RASSF3: variants seen among roughly 807,000 people sequenced by gnomAD.
The protein encoded by RASSF3 is Ras association domain family member 3.
In RASSF3, 19 loss-of-function variants were observed where a neutral mutation model predicts 19.9. The ratio of observed to expected loss-of-function variants is 0.96; its 90% CI spans 0.67 to 1.40. RASSF3 has a LOEUF of 1.40. RASSF3 is among the 40% of genes most tolerant of loss of function. The pLI, the probability that RASSF3 is intolerant of heterozygous loss-of-function variation, is 0.00. For missense variants in RASSF3, 306 were observed against 289.8 expected, an observed-to-expected ratio of 1.06 and a Z score of -0.41; for synonymous variants, 110 against 104.2, an observed-to-expected ratio of 1.06 and a Z score of -0.34.
intron 1 of RASSF3, among the ~76,000 whole-genome samples, chr12:64,678,640 C>A (rs1872995269): frequency 1.6e-5 from 1 of 61,974 alleles, no homozygotes. Flanking sequence ...TAAAGAGATC[C>A]GTAATACCAA....
rs73317509 is a variant in RASSF3 at position 64,549,904 on chromosome 12, A to G, written c.294+8199A>G. Among the ~76,000 whole-genome samples the G allele has an allele frequency of 3.8e-3, 574 of 152,348 alleles. 3 individuals are homozygous for G. The highest frequency in any genetic ancestry group is 0.013 in the African/African-American group (553 of 41,576). On this transcript the variant is annotated intron_variant, in intron 2 of 5. Transcript: ENST00000637125. The stretch of plus-strand genomic sequence containing the variant: ...CTAAGGTTTAGACACAATCATATCA[A>G]TATCATTTCATTGTTAACATGAATT...
At chr12:64,509,653 C>T (rs945218534) in intron 1 of RASSF3, among the ~76,000 whole-genome samples, 5 of 152,104 alleles carry the variant, frequency 3.3e-5, no homozygotes, top group Non-Finnish European at 5.9e-5. Flanking sequence ...TACTTATAGC[C>T]TTCATCAGTA....
exon 1 of RASSF3, chr12:64,507,131 C>A: frequency 2.5e-6 from 1 of 398,476 alleles, no homozygotes; most frequent in South Asian, 1.3e-4. Flanking sequence ...GCTAAAGTGT[C>A]ATATGTGGGT....
intron 1 of RASSF3, among the ~76,000 whole-genome samples, chr12:64,660,605 G>T (rs559935809): frequency 4.6e-5 from 7 of 152,248 alleles, no homozygotes; most frequent in Non-Finnish European, 8.8e-5. Flanking sequence ...TTAAAAAAAG[G>T]TAGTGACTAT....
chr12:64,509,847 G>A lies in RASSF3; in HGVS notation c.169+2518G>A, dbSNP rs117658062. On this transcript the variant is annotated intron_variant, in intron 1 of 5. Transcript: ENST00000637125. ...TCATGCTATGATCCCAGAACTTTGC[G>A]AGGCCAAGGCGGGCGGATCGCTTGA... is the stretch of plus-strand genomic sequence containing the variant. 6.1e-4 allele frequency among the ~76,000 whole-genome samples: 93 copies of A among 152,128 alleles called. No individual in the cohort carries two copies. In the East Asian group the frequency reaches 0.015, roughly 25 times the overall value.
intron 2 of RASSF3, among the ~76,000 whole-genome samples, chr12:64,600,033 CAAAAAAAAAA>C (rs34515445): frequency 6.3e-5 from 4 of 63,986 alleles, no homozygotes; most frequent in African/African-American, 1.3e-4. Flanking sequence ...GACTCCATCT[CAAAAAAAAAA>C]AAAAAAAAAA....
chr12:64,564,610 G>A (rs545741663), intron 2 of RASSF3, among the ~76,000 whole-genome samples: 8 of 151,906 alleles, frequency 5.3e-5, no homozygotes, highest in African/African-American at 1.2e-4. Flanking sequence ...TCAAACTTCC[G>A]ACCTCAGGTG....
intron 1 of RASSF3, among the ~76,000 whole-genome samples, chr12:64,679,983 A>G (rs1244758218): frequency 3.3e-5 from 5 of 152,224 alleles, no homozygotes; most frequent in Admixed American, 3.3e-4. Context: ...GACACTTGGT[A>G]TTGTATCTAT....
chr12:64,512,808 A>G (rs895488920), intron 1 of RASSF3, among the ~76,000 whole-genome samples: 41 of 152,200 alleles, frequency 2.7e-4, no homozygotes, highest in African/African-American at 9.7e-4. Flanking sequence ...TACTCATATC[A>G]ATGTTCCTCA....
rs57069657 is a variant in RASSF3 at position 64,638,842 on chromosome 12, GTTCC to G, written c.111+28103_111+28106del. ...GATTTTGAGATTGACTTTTGTTCTA[GTTCC>G]TTCTTCTGAGCTGCTGAACACGCCA... is the stretch of plus-strand genomic sequence containing the variant. On this transcript the variant is annotated intron_variant, in intron 1 of 4. Coordinates refer to ENST00000542104, the MANE Select transcript of RASSF3 (RefSeq NM_178169.4). Among the ~76,000 whole-genome samples, 1,138 of 152,222 alleles carry G rather than the reference GTTCC, an allele frequency of 7.5e-3. 17 individuals carry two copies. Among genetic ancestry groups the G allele is most frequent in the African/African-American group, 0.026 (1,093 of 41,526 alleles).
intron 1 of RASSF3, among the ~76,000 whole-genome samples, chr12:64,656,330 G>A (rs138203213): frequency 7.2e-4 from 110 of 152,200 alleles, no homozygotes; most frequent in African/African-American, 2.4e-3. Context: ...ACTACTAGTG[G>A]GCCTGGGGTT....
chr12:64,610,765 C>T lies in RASSF3; in HGVS notation c.111+22C>T, dbSNP rs552216990. On this transcript the variant is annotated intron_variant, in intron 1 of 4. Coordinates refer to ENST00000542104, the MANE Select transcript of RASSF3 (RefSeq NM_178169.4). ...ACAAGTGAGTGGCGCGCGGCGGGCG[C>T]TGCAGCCCGCGCCCCAGAGTTCCGG... 6.6e-6 allele frequency: 10 copies of T among 1,520,714 alleles called. No individual in the cohort carries two copies. In the African/African-American group the frequency reaches 1.3e-4, roughly 19 times the overall value. The allele number at this position is 1,520,714 out of a possible 1,614,324, so 94.2% of individuals were successfully genotyped here.
chr12:64,652,554 C>G (rs1334665734), intron 1 of RASSF3, among the ~76,000 whole-genome samples: 3 of 152,046 alleles, frequency 2.0e-5, no homozygotes. Flanking sequence ...TGTTTCCATC[C>G]TGTAGAGGAA....
intron 2 of RASSF3, among the ~76,000 whole-genome samples, chr12:64,555,516 G>A (rs1244338840): frequency 6.6e-6 from 1 of 152,034 alleles, no homozygotes; most frequent in African/African-American, 2.4e-5. Context: ...TTGGGAGGCC[G>A]AGGCAGGCGG....
At chr12:64,647,573 G>T (rs535759747) in intron 1 of RASSF3, among the ~76,000 whole-genome samples, 1 of 152,084 alleles carries the variant, frequency 6.6e-6, no homozygotes, top group East Asian at 1.9e-4. Flanking sequence ...ACCACGCCCG[G>T]CTAATTTTTT....
intron 1 of RASSF3, among the ~76,000 whole-genome samples, chr12:64,646,697 A>G (rs11175496): frequency 0.18 from 27,357 of 151,628 alleles, 3,222 homozygotes; most frequent in East Asian, 0.36. Context: ...GCAAATTCCT[A>G]TGGAAAACCT....
At chr12:64,541,490 G>A (rs1194311049) in intron 1 of RASSF3, 5 of 396,882 alleles carry the variant, frequency 1.3e-5, no homozygotes, top group Non-Finnish European at 2.2e-5. Flanking sequence ...GGCTTTTTGA[G>A]CAGGGGAGGG....
At chr12:64,576,781 G>T (rs759147552) in intron 2 of RASSF3, among the ~76,000 whole-genome samples, 1 of 148,572 alleles carries the variant, frequency 6.7e-6, no homozygotes, top group Non-Finnish European at 1.5e-5. Context: ...AGCCTGGGAG[G>T]TTGAGGCTGT....
At chr12:64,658,069 G>A (rs1438046020) in intron 1 of RASSF3, among the ~76,000 whole-genome samples, 1 of 151,996 alleles carries the variant, frequency 6.6e-6, no homozygotes, top group African/African-American at 2.4e-5. Flanking sequence ...TAAATAAATT[G>A]TCAGGTTGCG....
Sources: gnomAD v4.1 joint callset for allele counts (sites outside exome capture counted in the v4.1 genomes callset) on GRCh38, gnomAD v4.1.1 for gene constraint, MANE v1.5 for transcripts, NCBI Gene and HGNC (gene_info 2026-07-23, HGNC 2026-07-21) for gene names.